CCDC136: variants seen among roughly 807,000 people sequenced by gnomAD.
The protein encoded by CCDC136 is coiled-coil domain containing 136, also known as coiled-coil domain-containing protein 136.
CCDC136 carries 100 observed loss-of-function variants against 141.2 expected under a neutral mutation model. That is an observed-to-expected ratio of 0.71 (90% CI 0.60 to 0.84). The LOEUF is 0.84. Among genes scored for constraint, CCDC136 ranks in the 40% least tolerant of loss-of-function variants. The pLI, the probability that CCDC136 is intolerant of heterozygous loss-of-function variation, is 0.00. For missense variants in CCDC136, 1,206 were observed against 1,379.4 expected, an observed-to-expected ratio of 0.87 and a Z score of 1.99; for synonymous variants, 474 against 531.9, an observed-to-expected ratio of 0.89 and a Z score of 1.50.
chr7:128,809,523 T>G lies in CCDC136; in HGVS notation c.1679T>G (p.Leu560Arg). The change falls in exon 11 of 18, where the codon CTG (leucine) becomes CGG (arginine). Residue 560 changes from leucine to arginine, a missense_variant. Transcript: ENST00000297788. ...YKASQKEMGQ[L>R]QMEQCELLED... Reference sequence around the variant, plus strand: ...GCCAGCCAGAAGGAGATGGGGCAGCTGCAGATGGAGCAGTGTGAGCTCCTG... The same window carrying G: ...GCCAGCCAGAAGGAGATGGGGCAGCGGCAGATGGAGCAGTGTGAGCTCCTG... The G allele has an allele frequency of 6.4e-7, 1 of 1,550,900 alleles. No homozygotes were observed. The highest frequency in any genetic ancestry group is 2.4e-5 in the East Asian group (1 of 41,134).
chr7:128,807,341 GC>G lies in CCDC136; in HGVS notation c.1420-17del. The G allele has an allele frequency of 6.9e-7, 1 of 1,442,642 alleles. No homozygotes were observed. The highest frequency in any genetic ancestry group is 9.2e-7 in the Non-Finnish European group (1 of 1,088,852). The allele number at this position is 1,442,642 out of a possible 1,614,324, so 89.4% of individuals were successfully genotyped here. A position where few individuals can be genotyped will look rare whatever the true frequency, so the allele number is the denominator to read the frequency against. On this transcript the variant is annotated intron_variant, in intron 9 of 17. Transcript: ENST00000297788. ...CAGGAGTGCCTGGGATGATGGCCAG[GC>G]CTGCCTCCCCTGCCCAGGACACAGA...
chr7:128,813,464 C>T (rs1806092847), intron 14 of CCDC136, among the ~76,000 whole-genome samples: 1 of 152,168 alleles, frequency 6.6e-6, no homozygotes, highest in Non-Finnish European at 1.5e-5. Context: ...GCAGCGAACA[C>T]ATGGGTCCAG....
chr7:128,791,938 C>A, upstream of CCDC136: 1 of 807,138 alleles, frequency 1.2e-6, no homozygotes, highest in Non-Finnish European at 1.6e-6. This position sits in a 1 kb window ranked among gnomAD's most constrained non-coding sequence, Gnocchi z 7.1. Context: ...CAGCCCTACC[C>A]CTTCCCGCAC....
Position 128,809,608 on chromosome 7 carries a change from C to T in CCDC136, c.1764C>T (p.Leu588=), listed in dbSNP as rs1309376213. ...QGQLQEELHR[L]TLPLPKSGLL... is the part of the protein sequence containing the mutation. Reference sequence around the variant, plus strand: ...AGCTGCAGGAAGAGCTGCACAGGCTCACACTGCCACTGCCAAAGAGTGGCC... The same window carrying T: ...AGCTGCAGGAAGAGCTGCACAGGCTTACACTGCCACTGCCAAAGAGTGGCC... The change falls in exon 11 of 18, where the codon CTC becomes CTT. Residue 588 remains leucine (L), a synonymous_variant. Transcript: ENST00000297788. 1 of 1,557,016 alleles carries T rather than the reference C, an allele frequency of 6.4e-7. No individual in the cohort carries two copies. Among genetic ancestry groups the T allele is most frequent in the Non-Finnish European group, 8.7e-7 (1 of 1,151,164 alleles).
chr7:128,796,722 AAT>A (rs149502865), intron 3 of CCDC136, among the ~76,000 whole-genome samples: 55 of 120,592 alleles, frequency 4.6e-4, no homozygotes, highest in Admixed American at 7.0e-4. Flanking sequence ...GATGATTCAG[AAT>A]ATATATATAT....
At position 128,815,741 on chromosome 7, in the gene CCDC136, G is replaced by A. The variant is rs2128923551; in HGVS notation, c.3173G>A (p.Cys1058Tyr). The A allele has an allele frequency of 1.3e-6, 2 of 1,562,046 alleles. No homozygotes were observed. Among genetic ancestry groups the A allele is most frequent in the Non-Finnish European group, 1.7e-6 (2 of 1,153,270 alleles). Residue 1058 changes from cysteine to tyrosine, a missense_variant, in exon 16 of 18, where the codon TGT (cysteine) becomes TAT (tyrosine). By Grantham distance (194) the Cys-to-Tyr change is radical (BLOSUM62 -2). Coordinates refer to ENST00000297788, the MANE Select transcript of CCDC136 (RefSeq NM_022742.5). ...KQVKEEAKEQ[C>Y]GDELVAEPAD... Reference sequence around the variant, plus strand: ...GTGAAAGAGGAAGCAAAGGAGCAGTGTGGGGATGAGCTAGTTGCTGAGCCA... The same window carrying A: ...GTGAAAGAGGAAGCAAAGGAGCAGTATGGGGATGAGCTAGTTGCTGAGCCA...
chr7:128,808,805 A>C, intron 10 of CCDC136: 1 of 985,432 alleles, frequency 1.0e-6, no homozygotes, highest in Middle Eastern at 5.2e-4. Flanking sequence ...CCTAATGGGA[A>C]AAATGATGGG....
intron 17 of CCDC136, chr7:128,818,104 G>A (rs1279489050): frequency 2.2e-6 from 1 of 463,252 alleles, no homozygotes; most frequent in Admixed American, 4.1e-5. Context: ...GACATGGTTT[G>A]TTTCAATCCT....
chr7:128,797,173 C>T (rs1803163954), intron 3 of CCDC136, among the ~76,000 whole-genome samples: 1 of 152,130 alleles, frequency 6.6e-6, no homozygotes. Context: ...TTGGGAAAGA[C>T]TTGGCAAGGG....
intron 4 of CCDC136, among the ~76,000 whole-genome samples, chr7:128,802,186 G>A (rs2128905489): frequency 6.6e-6 from 1 of 152,302 alleles, no homozygotes; most frequent in South Asian, 2.1e-4. Flanking sequence ...TGATACATGA[G>A]GTACCCAAAA....
chr7:128,792,718 C>G (rs1319841910), intron 1 of CCDC136, among the ~76,000 whole-genome samples: 1 of 152,202 alleles, frequency 6.6e-6, no homozygotes. Context: ...TTTGAAGCAG[C>G]CTTTCAGCAG....
rs1175925381 is a variant in CCDC136 at position 128,814,844 on chromosome 7, T to C, written c.2970T>C (p.Asn990=). The C allele has an allele frequency of 2.5e-6, 4 of 1,609,866 alleles. No homozygotes were observed. Among genetic ancestry groups the C allele is most frequent in the East Asian group, 2.2e-5 (1 of 44,784 alleles). The change falls in exon 15 of 18, where the codon AAT becomes AAC. Residue 990 remains asparagine, a synonymous_variant. Coordinates refer to ENST00000297788, the MANE Select transcript of CCDC136 (RefSeq NM_022742.5). ...ATGCTAATAAGAACATGAACAAGAATGCCAATGGGGTTAAAATGAAAAAGG... is the reference window on the plus strand; with the variant it reads ...ATGCTAATAAGAACATGAACAAGAACGCCAATGGGGTTAAAATGAAAAAGG... ...GKNANKNMNK[N]ANGVKMKKVT... is the part of the protein sequence containing the mutation.
At chr7:128,811,133 G>A (rs1043138907) in intron 12 of CCDC136, 22 of 346,066 alleles carry the variant, frequency 6.4e-5, no homozygotes, top group African/African-American at 4.7e-4. Flanking sequence ...TCTGAACAAG[G>A]AGAACCAGGG....
intron 16 of CCDC136, 65 bp downstream of exon 16, chr7:128,815,996 A>C: frequency 1.3e-6 from 2 of 1,494,698 alleles, no homozygotes; most frequent in Non-Finnish European, 1.8e-6. Flanking sequence ...ACTCCGAGTT[A>C]ATGGGTGGCC....
In CCDC136 at chr7:128,812,028, C is replaced by T. The variant is rs267601276; in HGVS notation, c.2257C>T (p.Pro753Ser). The T allele has an allele frequency of 1.2e-6, 2 of 1,613,958 alleles. No homozygotes were observed. The highest frequency in any genetic ancestry group is 1.1e-5 in the South Asian group (1 of 91,074). Residue 753 changes from proline to serine, a missense_variant, in exon 13 of 18, where the codon CCC becomes TCC. By Grantham distance (74) the Pro-to-Ser change is moderately conservative. Coordinates refer to ENST00000297788, the MANE Select transcript of CCDC136 (RefSeq NM_022742.5). ...CGGGAAGAGCTATGGTAGCATGGTC[C>T]CCAGCAATGAGAACTGTCGCAAGAC... The part of the protein sequence containing the change: ...SYGKSYGSMV[P>S]SNENCRKTYD...
At position 128,806,395 on chromosome 7, in the gene CCDC136, G is replaced by A; in HGVS notation, c.1248G>A (p.Lys416=). Residue 416 remains lysine (K), a splice_region_variant and synonymous_variant, in exon 8 of 18, where the codon AAG becomes AAA. Transcript: ENST00000297788. ...CACTTGTAGAAAACCAGAGTGAGAAGGTAACAGCAACCAGAGGTGAGGGGA... is the reference window on the plus strand; with the variant it reads ...CACTTGTAGAAAACCAGAGTGAGAAAGTAACAGCAACCAGAGGTGAGGGGA... ...KSTLVENQSE[K]ELLCRLQKLH... 1 of 1,598,462 alleles carries A rather than the reference G, an allele frequency of 6.3e-7. No homozygotes were observed.
Position 128,807,477 on chromosome 7 carries a change from C to T in CCDC136, c.1537C>T (p.Gln513Ter), listed in dbSNP as rs1363377477. The change falls in exon 10 of 18, where the codon CAG becomes TAG. Residue 513 changes from glutamine (Q) to a stop codon, truncating the protein, a stop_gained. Coordinates refer to ENST00000297788, the MANE Select transcript of CCDC136 (RefSeq NM_022742.5). LOFTEE classifies it high-confidence loss of function. The stretch of plus-strand genomic sequence containing the variant: ...GCTGGAGCAGGACCTCCTGCTCTGC[C>T]AGCTGGAGCTGAAAGAGCTCAAGGC... ...DQLEQDLLLCQLELKELKASH... is the reference protein window; with the variant it reads ...DQLEQDLLLC 3 of 1,546,018 alleles carry T rather than the reference C, an allele frequency of 1.9e-6. No individual in the cohort carries two copies. In the South Asian group the frequency reaches 3.7e-5, roughly 19 times the overall value.
rs369864118 is a variant in CCDC136 at position 128,806,685 on chromosome 7, T to C, written c.1249-3T>C. The C allele has an allele frequency of 2.5e-5, 41 of 1,609,044 alleles. No individual in the cohort carries two copies. The African/African-American group carries it at 2.7e-4, about 10-fold the overall frequency. ...GCACTGCCCAAAGCCCCCTCTACCATAGGAGTTACTGTGCCGGCTGCAGAA... is the reference window on the plus strand; with the variant it reads ...GCACTGCCCAAAGCCCCCTCTACCACAGGAGTTACTGTGCCGGCTGCAGAA... On this transcript the variant is annotated splice_polypyrimidine_tract_variant and splice_region_variant and intron_variant, in intron 8 of 17. Coordinates refer to ENST00000297788, the MANE Select transcript of CCDC136 (RefSeq NM_022742.5).
chr7:128,803,966 C>T (rs546642404), intron 4 of CCDC136, among the ~76,000 whole-genome samples: 2 of 152,096 alleles, frequency 1.3e-5, no homozygotes, highest in African/African-American at 2.4e-5. Context: ...AGGCATGCAC[C>T]GCCACGCCTG....
Sources: allele counts gnomAD v4.1 joint callset (sites outside exome capture counted in the v4.1 genomes callset), GRCh38; gene constraint gnomAD v4.1.1; non-coding constraint Gnocchi (gnomAD v3.1); transcripts MANE v1.5; gene names NCBI Gene and HGNC (gene_info 2026-07-23, HGNC 2026-07-21).